NMNAT3: variants seen among roughly 807,000 people sequenced by gnomAD.
The protein encoded by NMNAT3 is nicotinamide/nicotinic acid mononucleotide adenylyltransferase 3.
Under a neutral mutation model 24.8 loss-of-function variants are expected in NMNAT3, and 21 were observed. The observed-to-expected ratio is 0.85, with a 90% CI of 0.60 to 1.22. The LOEUF is 1.22. Ranked by LOEUF, NMNAT3 falls within the 50% of genes most tolerant of loss-of-function variation. NMNAT3 has a pLI of 0.00. For missense variants in NMNAT3, 387 were observed against 436.6 expected (o/e 0.89, Z 1.01); for synonymous variants, 136 against 155.2 (o/e 0.88, Z 0.92).
chr3:139,577,383 G>A (rs1939490419), intron 5 of NMNAT3, among the ~76,000 whole-genome samples: 1 of 152,176 alleles, frequency 6.6e-6, no homozygotes, highest in Non-Finnish European at 1.5e-5. Context: ...GAATCCTAGT[G>A]AAGTGGGTGA....
intron 1 of NMNAT3, among the ~76,000 whole-genome samples, chr3:139,672,292 G>A (rs1338175820): frequency 6.6e-6 from 1 of 152,138 alleles, no homozygotes; most frequent in African/African-American, 2.4e-5. Context: ...AGAAAGGGGG[G>A]CGTACTGATG....
At chr3:139,646,603 T>C (rs1410679536) in intron 1 of NMNAT3, among the ~76,000 whole-genome samples, 1 of 152,208 alleles carries the variant, frequency 6.6e-6, no homozygotes. Flanking sequence ...CTAATGTCTC[T>C]ATAATATATT....
At chr3:139,653,583 C>T (rs545511635) in intron 1 of NMNAT3, among the ~76,000 whole-genome samples, 141 of 152,330 alleles carry the variant, frequency 9.3e-4, no homozygotes, top group Non-Finnish European at 1.5e-3. Flanking sequence ...GTAGTAGCCA[C>T]GTGTTGGGGT....
intron 2 of NMNAT3, 77 bp downstream of exon 2, chr3:139,637,886 G>T (rs1165685255): frequency 1.3e-5 from 2 of 152,126 alleles, no homozygotes; most frequent in African/African-American, 4.8e-5. Context: ...TCCTTGCATA[G>T]CACACTGTAA....
chr3:139,677,437 C>T (rs2057968218), intron 1 of NMNAT3, among the ~76,000 whole-genome samples: 1 of 152,202 alleles, frequency 6.6e-6, no homozygotes, highest in Non-Finnish European at 1.5e-5. Flanking sequence ...AGGTGGGATC[C>T]GAACCCACGT....
intron 2 of NMNAT3, among the ~76,000 whole-genome samples, chr3:139,633,180 GA>G (rs752540616): frequency 7.0e-6 from 1 of 143,588 alleles, no homozygotes; most frequent in African/African-American, 2.5e-5. Flanking sequence ...GTTTTTGTTT[GA>G]TTTTTTTTTT....
intron 1 of NMNAT3, among the ~76,000 whole-genome samples, chr3:139,649,264 C>T (rs1360843359): frequency 6.6e-6 from 1 of 152,020 alleles, no homozygotes; most frequent in Non-Finnish European, 1.5e-5. Flanking sequence ...TTAAAGATTG[C>T]CTGTGGTTTC....
upstream of NMNAT3, chr3:139,677,984 A>C (rs9816111): frequency 0.11 from 16,493 of 151,716 alleles, 1,163 homozygotes; most frequent in Non-Finnish European, 0.16. Context: ...AGGGAAACAG[A>C]TCTGCGCCCC....
At chr3:139,574,527 C>G (rs983609044) in intron 5 of NMNAT3, among the ~76,000 whole-genome samples, 1 of 152,204 alleles carries the variant, frequency 6.6e-6, no homozygotes, top group Non-Finnish European at 1.5e-5. Context: ...CACAGGCAAC[C>G]ATTATACACC....
chr3:139,623,936 C>T (rs1310658747), intron 3 of NMNAT3, among the ~76,000 whole-genome samples: 2 of 152,132 alleles, frequency 1.3e-5, no homozygotes, highest in African/African-American at 4.8e-5. Flanking sequence ...TTTACACCAG[C>T]GTCACCACAA....
At chr3:139,629,364 C>A (rs533105848) in intron 2 of NMNAT3, among the ~76,000 whole-genome samples, 1 of 152,018 alleles carries the variant, frequency 6.6e-6, no homozygotes, top group South Asian at 2.1e-4. Context: ...TGCAGCCCTG[C>A]GAACACTGAC....
intron 1 of NMNAT3, among the ~76,000 whole-genome samples, chr3:139,640,126 T>C (rs2056648655): frequency 6.6e-6 from 1 of 152,184 alleles, no homozygotes; most frequent in Non-Finnish European, 1.5e-5. Context: ...TTTCTGAAAC[T>C]GTGCATGCAT....
chr3:139,674,406 G>T (rs1288466351), intron 1 of NMNAT3, among the ~76,000 whole-genome samples: 1 of 152,102 alleles, frequency 6.6e-6, no homozygotes, highest in African/African-American at 2.4e-5. Context: ...GCCATCCTGA[G>T]GCCTGCCCCG....
intron 3 of NMNAT3, among the ~76,000 whole-genome samples, chr3:139,595,708 G>T (rs552266527): frequency 0.081 from 12,265 of 152,074 alleles, 1,079 homozygotes; most frequent in East Asian, 0.37. Flanking sequence ...CAAGCAATGG[G>T]GAAAGGATTC....
chr3:139,613,567 G>T (rs914738892), intron 3 of NMNAT3, among the ~76,000 whole-genome samples: 4 of 152,188 alleles, frequency 2.6e-5, no homozygotes, highest in South Asian at 2.1e-4. Flanking sequence ...CATTGTGGAA[G>T]TCAGTGTGGT....
intron 1 of NMNAT3, among the ~76,000 whole-genome samples, chr3:139,656,626 A>C (rs1215488809): frequency 6.6e-6 from 1 of 152,138 alleles, no homozygotes; most frequent in Non-Finnish European, 1.5e-5. Flanking sequence ...CCATATCTAC[A>C]AAACTGTTTT....
chr3:139,561,634 C>T (rs560030223), intron 6 of NMNAT3, among the ~76,000 whole-genome samples: 17 of 152,208 alleles, frequency 1.1e-4, no homozygotes, highest in Admixed American at 9.8e-4. Context: ...CCAAGGAATA[C>T]GATTTTTTTT....
chr3:139,649,070 G>C (rs2056968102), intron 1 of NMNAT3, among the ~76,000 whole-genome samples: 1 of 152,094 alleles, frequency 6.6e-6, no homozygotes, highest in Non-Finnish European at 1.5e-5. Flanking sequence ...GGCTTTATTA[G>C]TATTACTTTA....
intron 1 of NMNAT3, among the ~76,000 whole-genome samples, chr3:139,668,216 G>T (rs2057647782): frequency 1.3e-5 from 2 of 152,222 alleles, no homozygotes. Flanking sequence ...GGTGGGGCAT[G>T]GTCTGAGGTG....
Sources: gnomAD v4.1 joint callset for allele counts (sites outside exome capture counted in the v4.1 genomes callset) on GRCh38, gnomAD v4.1.1 for gene constraint, MANE v1.5 for transcripts, NCBI Gene and HGNC (gene_info 2026-07-23, HGNC 2026-07-21) for gene names.